The following PCDH9 variants were observed in gnomAD, a reference collection of about 807,000 sequenced individuals.
The protein encoded by PCDH9 is protocadherin-9.
In PCDH9, 24 loss-of-function variants were observed where a neutral mutation model predicts 70.6. The ratio of observed to expected loss-of-function variants is 0.34; its 90% confidence interval spans 0.25 to 0.48. The LOEUF (loss-of-function observed/expected upper bound fraction) is 0.48, where lower values mean the gene tolerates loss of function less well. PCDH9 is among the 20% of genes least tolerant of loss of function. The probability of loss-of-function intolerance (pLI) is 0.99; values close to 1 mark genes in which losing one functional copy is unlikely to be tolerated. For missense variants in PCDH9, 1,281 were observed against 1,503.6 expected (o/e 0.85, Z 2.45); for synonymous variants, 562 against 558.5 (o/e 1.01, Z -0.09).
intron 4 of PCDH9, among the ~76,000 whole-genome samples, chr13:66,505,700 TCAC>T (rs1437968493): frequency 2.3e-4 from 35 of 152,238 alleles, no homozygotes; most frequent in Non-Finnish European, 1.5e-4. Flanking sequence ...TTACTCACTA[TCAC>T]GAGAACAGCA....
chr13:66,797,749 T>C (rs1263513131), intron 3 of PCDH9, among the ~76,000 whole-genome samples: 3 of 151,896 alleles, frequency 2.0e-5, no homozygotes, highest in Non-Finnish European at 4.4e-5. Flanking sequence ...TAAAAACACA[T>C]ATTGCTTATT....
chr13:66,326,879 C>A lies in PCDH9; in HGVS notation c.3341-21851G>T, dbSNP rs545690403. Among the ~76,000 whole-genome samples, 1,116 of 152,208 alleles carry A rather than the reference C, an allele frequency of 7.3e-3. 8 individuals are homozygous for A. The highest frequency in any genetic ancestry group is 0.025 in the African/African-American group (1,046 of 41,514). On this transcript the variant is annotated intron_variant, in intron 4 of 4. Coordinates refer to ENST00000377865, the MANE Select transcript of PCDH9 (RefSeq NM_203487.3). ...TACAAAACAAAATGCCTCTTCTTCC[C>A]CACCCAACTTAAGCACAATGGCTTA...
chr13:67,079,683 T>G (rs2138179868), intron 2 of PCDH9, among the ~76,000 whole-genome samples: 1 of 152,318 alleles, frequency 6.6e-6, no homozygotes, highest in African/African-American at 2.4e-5. Context: ...AATCTTCCAT[T>G]AATGTAGCCA....
intron 2 of PCDH9, among the ~76,000 whole-genome samples, chr13:67,057,919 T>C (rs2085455124): frequency 6.6e-6 from 1 of 152,090 alleles, no homozygotes. Context: ...TTCTGACTCA[T>C]AGTGTTCTCT....
In PCDH9 at chr13:66,420,313, C is replaced by T. The variant is rs148158016; in HGVS notation, c.3341-115285G>A. On this transcript the variant is annotated intron_variant, in intron 4 of 4. Transcript: ENST00000377865. ...GCAGCGGATCTCCCAACACAGCACT[C>T]GAGCTCTGCTAAGGGACAGACTGCC... 3.0e-3 allele frequency among the ~76,000 whole-genome samples: 452 copies of T among 152,306 alleles called. 3 individuals carry two copies. The highest frequency in any genetic ancestry group is 0.01 in the African/African-American group (429 of 41,576).
chr13:67,079,775 T>C (rs577249163), intron 2 of PCDH9, among the ~76,000 whole-genome samples: 16 of 152,258 alleles, frequency 1.1e-4, no homozygotes, highest in African/African-American at 3.9e-4. Flanking sequence ...AAGAGACATT[T>C]TCCATGTATT....
intron 3 of PCDH9, among the ~76,000 whole-genome samples, chr13:66,633,191 C>T (rs2077594128): frequency 6.6e-6 from 1 of 152,026 alleles, no homozygotes; most frequent in Non-Finnish European, 1.5e-5. Flanking sequence ...GAACTGATGC[C>T]AACATCACAA....
At chr13:66,771,967 G>C (rs777970728) in intron 3 of PCDH9, among the ~76,000 whole-genome samples, 4 of 152,138 alleles carry the variant, frequency 2.6e-5, no homozygotes, top group Admixed American at 2.6e-4. Flanking sequence ...AAGCTCAAAC[G>C]TAATACATTT....
At chr13:66,867,294 G>T (rs770814862) in intron 3 of PCDH9, among the ~76,000 whole-genome samples, 1 of 151,992 alleles carries the variant, frequency 6.6e-6, no homozygotes. Context: ...GTTCTCTCTG[G>T]TGATGTTTAT....
intron 4 of PCDH9, among the ~76,000 whole-genome samples, chr13:66,369,577 C>A (rs1011511406): frequency 6.6e-6 from 1 of 152,060 alleles, no homozygotes; most frequent in African/African-American, 2.4e-5. Context: ...AAGTATACTA[C>A]TACTTATTTT....
chr13:67,118,503 AT>A (rs1566436414), intron 2 of PCDH9, among the ~76,000 whole-genome samples: 15 of 152,156 alleles, frequency 9.9e-5, no homozygotes, highest in Non-Finnish European at 2.1e-4. Flanking sequence ...GTATGGCATA[AT>A]TGCCATATGG....
intron 2 of PCDH9, among the ~76,000 whole-genome samples, chr13:67,018,611 C>T (rs1393498587): frequency 1.6e-5 from 2 of 125,150 alleles, no homozygotes; most frequent in Non-Finnish European, 3.3e-5. Flanking sequence ...GAGCGAGACT[C>T]GTCTCAAAAA....
chr13:66,780,648 C>T (rs549396856), intron 3 of PCDH9, among the ~76,000 whole-genome samples: 1 of 152,160 alleles, frequency 6.6e-6, no homozygotes, highest in Admixed American at 6.5e-5. Flanking sequence ...ATATTCTTAC[C>T]TTACAATTCC....
intron 3 of PCDH9, among the ~76,000 whole-genome samples, chr13:66,867,899 G>A (rs996968708): frequency 2.0e-5 from 3 of 151,604 alleles, no homozygotes; most frequent in Admixed American, 1.3e-4. Flanking sequence ...TGTTCTTTTT[G>A]TAAGTTGATG....
At chr13:66,794,431 T>C (rs542477008) in intron 3 of PCDH9, among the ~76,000 whole-genome samples, 1 of 152,308 alleles carries the variant, frequency 6.6e-6, no homozygotes, top group Admixed American at 6.5e-5. Context: ...AGAGGCAAAG[T>C]TTCAATACTT....
intron 3 of PCDH9, among the ~76,000 whole-genome samples, chr13:66,852,332 CATT>C (rs748375675): frequency 1.3e-5 from 2 of 152,086 alleles, no homozygotes; most frequent in Non-Finnish European, 2.9e-5. Flanking sequence ...GACAAAGACT[CATT>C]AATCATTTTC....
At position 66,799,212 on chromosome 13, in the gene PCDH9, T is replaced by G. The variant is rs142979405; in HGVS notation, c.3138+104292A>C. ...TGTTCTCTAGAAGCTCTGTGATTTA[T>G]GTCCACATATTGCTTTTTGCTAAGT... is the stretch of plus-strand genomic sequence containing the variant. On this transcript the variant is annotated intron_variant, in intron 3 of 4. Transcript: ENST00000377865. Among the ~76,000 whole-genome samples the G allele has an allele frequency of 7.0e-3, 1,071 of 152,306 alleles. 16 individuals carry two copies. The highest frequency in any genetic ancestry group is 0.024 in the African/African-American group (1,018 of 41,574).
intron 2 of PCDH9, among the ~76,000 whole-genome samples, chr13:67,190,502 A>G (rs535459981): frequency 6.6e-6 from 1 of 152,162 alleles, no homozygotes; most frequent in Non-Finnish European, 1.5e-5. Context: ...GAGGAAACTG[A>G]GCAATTAATG....
rs116552224 is a variant in PCDH9 at position 66,638,389 on chromosome 13, G to A, written c.3139-6978C>T. Among the ~76,000 whole-genome samples, 701 of 152,202 alleles carry A rather than the reference G, an allele frequency of 4.6e-3. 5 individuals are homozygous for A. The highest frequency in any genetic ancestry group is 0.016 in the African/African-American group (660 of 41,530). On this transcript the variant is annotated intron_variant, in intron 3 of 4. Coordinates refer to ENST00000377865, the MANE Select transcript of PCDH9 (RefSeq NM_203487.3). Reference sequence around the variant, plus strand: ...GAAATCTAGGTAAGAAAAAAAAGGCGAAGGGACTGTATTCTGAGTTTATGC... The same window carrying A: ...GAAATCTAGGTAAGAAAAAAAAGGCAAAGGGACTGTATTCTGAGTTTATGC...
Sources: gnomAD v4.1 joint callset for allele counts (sites outside exome capture counted in the v4.1 genomes callset) on GRCh38, gnomAD v4.1.1 for gene constraint, MANE v1.5 for transcripts, NCBI Gene and HGNC (gene_info 2026-07-23, HGNC 2026-07-21) for gene names.